The following KCNT1 variants were observed in gnomAD, a reference collection of about 807,000 sequenced individuals.
KCNT1 encodes the protein potassium channel subfamily T member 1.
In KCNT1, 78 loss-of-function variants were observed where a neutral mutation model predicts 147.8. The ratio of observed to expected loss-of-function variants is 0.53; its 90% CI spans 0.44 to 0.64. KCNT1 has a LOEUF of 0.64. Among genes scored for constraint, KCNT1 ranks in the 30% least tolerant of loss-of-function variants. The pLI is 0.00. For synonymous variants in KCNT1, 867 were observed against 748.8 expected, an observed-to-expected ratio of 1.16 and a Z score of -2.58; for missense variants, 1,419 against 1,750.3, an observed-to-expected ratio of 0.81 and a Z score of 3.38.
chr9:135,712,559 CT>C (rs1484914850), intron 1 of KCNT1, among the ~76,000 whole-genome samples: 2 of 152,094 alleles, frequency 1.3e-5, no homozygotes, highest in South Asian at 2.1e-4. Context: ...CCCTCTCCCC[CT>C]GTGCCCAAAA....
chr9:135,741,258 T>A (rs1830554626), intron 2 of KCNT1, among the ~76,000 whole-genome samples: 1 of 152,142 alleles, frequency 6.6e-6, no homozygotes, highest in Non-Finnish European at 1.5e-5. Flanking sequence ...TATCGGGAGA[T>A]GCAGAGGGAC....
chr9:135,770,751 AC>A, intron 17 of KCNT1, 105 bp from the exon 18 acceptor site: 1 of 1,117,718 alleles, frequency 8.9e-7, no homozygotes, highest in Non-Finnish European at 1.3e-6. Flanking sequence ...CAGGAGGAAG[AC>A]GCGGAGCTCC....
intron 2 of KCNT1, among the ~76,000 whole-genome samples, chr9:135,749,287 G>A (rs1485502404): frequency 2.0e-5 from 3 of 152,212 alleles, no homozygotes; most frequent in East Asian, 1.9e-4. Context: ...CACGGTAGGT[G>A]AGCCACGCAA....
intron 28 of KCNT1, chr9:135,785,822 G>A (rs1056523174): frequency 1.4e-5 from 6 of 424,480 alleles, no homozygotes; most frequent in Admixed American, 4.2e-5. Context: ...TTGACACGCA[G>A]AGGGGGTGAC....
At chr9:135,754,437 G>C (rs938058645) in intron 5 of KCNT1, among the ~76,000 whole-genome samples, 1 of 152,214 alleles carries the variant, frequency 6.6e-6, no homozygotes, top group African/African-American at 2.4e-5. Context: ...TTCTCTTCCA[G>C]TTCACCATCT....
chr9:135,752,441 T>C lies in KCNT1; in HGVS notation c.434+1400T>C, dbSNP rs1388705227. 4 of 456,348 alleles carry C rather than the reference T, an allele frequency of 8.8e-6. No individual in the cohort carries two copies. Among genetic ancestry groups the C allele is most frequent in the South Asian group, 4.6e-5 (3 of 64,568 alleles). The allele number at this position is 456,348 out of a possible 1,614,324, so 28.3% of individuals were successfully genotyped here. A position where few individuals can be genotyped will look rare whatever the true frequency, so the allele number is the denominator to read the frequency against. On this transcript the variant is annotated intron_variant, in intron 4 of 30. Transcript: ENST00000371757. The surrounding 1 kb of genome is among the most constrained non-coding windows in gnomAD (Gnocchi z 5.1). Reference sequence around the variant, plus strand: ...AGGAGAACTGGGCCCTGACTGACTCTCAAGCTACTTTCCTAGGTCACTCCC... The same window carrying C: ...AGGAGAACTGGGCCCTGACTGACTCCCAAGCTACTTTCCTAGGTCACTCCC...
At chr9:135,757,419 G>T (rs959241224) in intron 9 of KCNT1, 38 bp downstream of exon 9, 5 of 1,575,064 alleles carry the variant, frequency 3.2e-6, no homozygotes, top group Admixed American at 3.3e-5. Flanking sequence ...GACTTGGGGG[G>T]GCCACCCTCA....
intron 11 of KCNT1, among the ~76,000 whole-genome samples, chr9:135,762,080 G>A (rs144598424): frequency 4.1e-4 from 63 of 152,354 alleles, no homozygotes; most frequent in African/African-American, 1.3e-3. Context: ...CACAGCCTCC[G>A]GGCCGGGGCT....
In KCNT1 at chr9:135,772,905, G is replaced by A; in HGVS notation, c.2199G>A (p.Glu733=). 8 of 1,549,004 alleles carry A rather than the reference G, an allele frequency of 5.2e-6. No homozygotes were observed. Among genetic ancestry groups the A allele is most frequent in the Admixed American group, 2.0e-5 (1 of 50,050 alleles). The change falls in exon 19 of 31, where the codon GAG becomes GAA. Residue 733 remains glutamate, a synonymous_variant. Transcript: ENST00000371757. ...GCGACCTGCTGAGCGACCAGTCGGA[G>A]GATGAGGTGACGCCGTCGGACGACG... ...LPCDLLSDQS[E]DEVTPSDDEG...
chr9:135,784,100 G>T lies in KCNT1; in HGVS notation c.2918G>T (p.Ser973Ile). 1 of 1,605,172 alleles carries T rather than the reference G, an allele frequency of 6.2e-7. No homozygotes were observed. The change falls in exon 25 of 31, where the codon AGC becomes ATC. Residue 973 changes from serine (S) to isoleucine (I), a missense_variant. Ser to Ile is a moderately radical substitution (Grantham distance 142, BLOSUM62 -2). Around this residue, in one of 5 missense-constraint regions of KCNT1, gnomAD observed 247 missense variants for 397.1 expected, o/e 0.62. Transcript: ENST00000371757. ...GCCGCCGGCCGCGTCTTCAGCATCA[G>T]CATGTTGGACACACTGCTCTACCAG... ...PFAAGRVFSI[S>I]MLDTLLYQSF...
At chr9:135,769,687 C>T (rs1832612595) in intron 15 of KCNT1, among the ~76,000 whole-genome samples, 1 of 152,060 alleles carries the variant, frequency 6.6e-6, no homozygotes, top group South Asian at 2.1e-4. Context: ...GGCACAGGGG[C>T]CAGGGCCTGC....
At position 135,765,431 on chromosome 9, in the gene KCNT1, T is replaced by C. The variant is rs539057380; in HGVS notation, c.1201-193T>C. On this transcript the variant is annotated intron_variant, in intron 12 of 30. Transcript: ENST00000371757. ...AGTCCTCTCAGCCTCAGTTTACCCC[T>C]TCAGTGAGGGTGGCAGCCCACAGTC... Among the ~76,000 whole-genome samples, 11 of 152,144 alleles carry C rather than the reference T, an allele frequency of 7.2e-5. No homozygotes were observed. In the East Asian group the frequency reaches 2.1e-3, roughly 29 times the overall value.
intron 4 of KCNT1, 156 bp from the exon 5 acceptor site, chr9:135,753,781 T>A: frequency 1.4e-6 from 1 of 702,906 alleles, no homozygotes; most frequent in Non-Finnish European, 2.5e-6. Context: ...CAGGCTGCCT[T>A]GTCTCCCAGG....
intron 11 of KCNT1, among the ~76,000 whole-genome samples, chr9:135,764,538 G>T (rs1306687470): frequency 2.0e-5 from 3 of 152,142 alleles, no homozygotes; most frequent in Admixed American, 2.0e-4. Flanking sequence ...CTCTGTTTTG[G>T]ATCTGTCCCC....
rs1445773836 is a variant in KCNT1 at position 135,752,609 on chromosome 9, T to C, written c.435-1328T>C. Among the ~76,000 whole-genome samples, 4 of 149,592 alleles carry C rather than the reference T, an allele frequency of 2.7e-5. No individual in the cohort carries two copies. Among genetic ancestry groups the C allele is most frequent in the Non-Finnish European group, 6.0e-5 (4 of 67,162 alleles). On this transcript the variant is annotated intron_variant, in intron 4 of 30. Coordinates refer to ENST00000371757, the MANE Select transcript of KCNT1 (RefSeq NM_020822.3). This position sits in a 1 kb window ranked among gnomAD's most constrained non-coding sequence, Gnocchi z 5.1. ...AGATGGGTGGATGATGGATGGATGG[T>C]TGGATGGATGGTGGATGATGGATGG...
At chr9:135,755,763 T>G (rs1831442753) in intron 6 of KCNT1, among the ~76,000 whole-genome samples, 1 of 149,450 alleles carries the variant, frequency 6.7e-6, no homozygotes, top group East Asian at 2.0e-4. Context: ...TCAGGGTCAG[T>G]GAGCACTTAG....
intron 2 of KCNT1, among the ~76,000 whole-genome samples, chr9:135,731,562 T>C (rs1485531239): frequency 6.6e-6 from 1 of 152,168 alleles, no homozygotes; most frequent in African/African-American, 2.4e-5. Context: ...TGGTTGTTTT[T>C]CTCCCAACAA....
intron 11 of KCNT1, among the ~76,000 whole-genome samples, chr9:135,762,173 A>G (rs1369451408): frequency 6.6e-6 from 1 of 152,202 alleles, no homozygotes; most frequent in East Asian, 1.9e-4. Context: ...GGCCAGGCGC[A>G]GGGCTCATGC....
chr9:135,702,388 C>G lies in KCNT1; in HGVS notation c.110+20C>G. 1 of 1,583,924 alleles carries G rather than the reference C, an allele frequency of 6.3e-7. No homozygotes were observed. Among genetic ancestry groups the G allele is most frequent in the Admixed American group, 1.7e-5 (1 of 58,740 alleles). ...CCCCAGGTACAGTCTGCTGCGCCCT[C>G]CCCACGCGGGGAGGCCCCGGTCTAA... is the stretch of plus-strand genomic sequence containing the variant. On this transcript the variant is annotated intron_variant, in intron 1 of 30. Transcript: ENST00000371757.
Sources: allele counts gnomAD v4.1 joint callset (sites outside exome capture counted in the v4.1 genomes callset), GRCh38; gene constraint gnomAD v4.1.1; regional missense constraint gnomAD v4.1.1; non-coding constraint Gnocchi (gnomAD v3.1); transcripts MANE v1.5; gene names NCBI Gene and HGNC (gene_info 2026-07-23, HGNC 2026-07-21).